Variants in ATP12A observed in about 807,000 individuals in gnomAD.
ATP12A encodes the protein potassium-transporting ATPase alpha chain 2.
A neutral mutation model predicts 111.2 loss-of-function variants in ATP12A; 81 were observed. The ratio of observed to expected loss-of-function variants is 0.73; its 90% CI spans 0.61 to 0.88. The LOEUF (loss-of-function observed/expected upper bound fraction) is 0.88. ATP12A is among the 40% of genes least tolerant of loss of function. The pLI is 0.00. For synonymous variants in ATP12A, 498 were observed against 499.8 expected (o/e 1.00, Z 0.05); for missense variants, 1,196 against 1,313.1 (o/e 0.91, Z 1.38).
intron 2 of ATP12A, among the ~76,000 whole-genome samples, chr13:24,684,948 G>T (rs1593130514): frequency 6.6e-6 from 1 of 152,224 alleles, no homozygotes; most frequent in African/African-American, 2.4e-5. Context: ...CAATCCCAGG[G>T]TTCAGGCCTG....
Position 24,707,346 on chromosome 13 carries a change from G to A in ATP12A, c.2406G>A (p.Leu802=). The change falls in exon 17 of 23, where the codon CTG becomes CTA. Residue 802 remains leucine, a synonymous_variant. Coordinates refer to ENST00000381946, the MANE Select transcript of ATP12A (RefSeq NM_001676.7). ...CCCTGACCAAGAACATTGCCGAGCT[G>A]TGCCCCTTTCTGATCTACATCATTG... ...AYSLTKNIAE[L]CPFLIYIIVG... 6.2e-7 allele frequency: 1 copy of A among 1,614,228 alleles called. No homozygotes were observed. Among genetic ancestry groups the A allele is most frequent in the Non-Finnish European group, 8.5e-7 (1 of 1,180,030 alleles).
chr13:24,692,687 T>A, intron 9 of ATP12A, 60 bp downstream of exon 9: 4 of 1,599,264 alleles, frequency 2.5e-6, no homozygotes, highest in South Asian at 1.1e-5. Context: ...GGGGCTGAGC[T>A]GAGCACACAG....
intron 11 of ATP12A, among the ~76,000 whole-genome samples, chr13:24,696,261 A>T (rs1049460484): frequency 2.0e-5 from 3 of 152,150 alleles, no homozygotes; most frequent in African/African-American, 7.2e-5. Flanking sequence ...GGGTTAGATG[A>T]TGCCTCCATC....
Position 24,694,449 on chromosome 13 carries a change from T to C in ATP12A, c.1383T>C (p.Ala461=). The change falls in exon 11 of 23, where the codon GCT becomes GCC. Residue 461 remains alanine (A), a synonymous_variant. Transcript: ENST00000381946. The part of the protein sequence containing the change: ...GQENVPIMKK[A]VIGDASETAL... ...TTTTCTTCTTTGATTCCCAGAAAGC[T>C]GTGATTGGAGATGCCTCAGAAACTG... 1 of 1,612,696 alleles carries C rather than the reference T, an allele frequency of 6.2e-7. No homozygotes were observed. Among genetic ancestry groups the C allele is most frequent in the Non-Finnish European group, 8.5e-7 (1 of 1,179,670 alleles).
intron 11 of ATP12A, among the ~76,000 whole-genome samples, chr13:24,696,342 GA>G (rs1875150005): frequency 6.6e-6 from 1 of 152,080 alleles, no homozygotes; most frequent in South Asian, 2.1e-4. Flanking sequence ...GCAAAAGGGA[GA>G]AAAAGCAGGT....
rs2289906 is a variant in ATP12A, at chr13:24,706,624, T to C, written c.2169+161T>C. On this transcript the variant is annotated intron_variant, in intron 15 of 22. Transcript: ENST00000381946. ...GACCTCTCCAACCTCTCAGGTGGGC[T>C]GGCCCCTGTCCTCCTTTGAGACCCC... Among the ~76,000 whole-genome samples, 223 of 152,322 alleles carry C rather than the reference T, an allele frequency of 1.5e-3. 4 individuals are homozygous for C. In the South Asian group the frequency reaches 0.022, roughly 15 times the overall value.
chr13:24,700,775 C>T lies in ATP12A; in HGVS notation c.1734C>T (p.Asp578=), dbSNP rs9511415. The change falls in exon 13 of 23, where the codon GAC becomes GAT. Residue 578 remains aspartate (D), a synonymous_variant. Coordinates refer to ENST00000381946, the MANE Select transcript of ATP12A (RefSeq NM_001676.7). ...TCTGTCATCTCTACCTGCCAGCAGA[C>T]GAGTTTCCAGAAACCTACTCATTTG... The part of the protein sequence containing the change: ...LGFCHLYLPA[D]EFPETYSFDI... 0.015 allele frequency: 24,870 copies of T among 1,613,876 alleles called. 218 individuals carry two copies. Among genetic ancestry groups the T allele is most frequent in the Non-Finnish European group, 0.018 (21,825 of 1,179,838 alleles).
chr13:24,690,970 C>T lies in ATP12A; in HGVS notation c.800-12C>T, dbSNP rs368635233. 6.2e-7 allele frequency: 1 copy of T among 1,613,506 alleles called. No individual in the cohort carries two copies. The highest frequency in any genetic ancestry group is 8.5e-7 in the Non-Finnish European group (1 of 1,179,522). ...GAGGACCCCTGGAATAAAGCATCTACTTCCCCTGTAGGCACTGTCACCGGC... is the reference window on the plus strand; with the variant it reads ...GAGGACCCCTGGAATAAAGCATCTATTTCCCCTGTAGGCACTGTCACCGGC... On this transcript the variant is annotated splice_polypyrimidine_tract_variant and intron_variant, in intron 7 of 22. Transcript: ENST00000381946.
At chr13:24,694,796 T>C (rs3816332) in intron 11 of ATP12A, among the ~76,000 whole-genome samples, 37,316 of 151,850 alleles carry the variant, frequency 0.25, 4,959 homozygotes, top group East Asian at 0.47. Flanking sequence ...AGGCAAGGAC[T>C]TCATCAGGGC....
chr13:24,687,264 C>T (rs1400495911), intron 3 of ATP12A, among the ~76,000 whole-genome samples: 1 of 152,064 alleles, frequency 6.6e-6, no homozygotes, highest in Admixed American at 6.6e-5. Context: ...AGTTCGAAAC[C>T]AGCCTGGCCA....
intron 11 of ATP12A, among the ~76,000 whole-genome samples, chr13:24,696,626 G>C (rs1460393338): frequency 8.0e-6 from 1 of 125,236 alleles, no homozygotes; most frequent in African/African-American, 2.9e-5. Flanking sequence ...GCAGGAGAAT[G>C]GCGTGAACCC....
Position 24,698,763 on chromosome 13 carries a change from G to C in ATP12A, c.1618G>C (p.Gly540Arg). 6.2e-7 allele frequency: 1 copy of C among 1,614,034 alleles called. No individual in the cohort carries two copies. The highest frequency in any genetic ancestry group is 8.5e-7 in the Non-Finnish European group (1 of 1,180,012). ...GAAATGCAGCACCATCATGATCAAC[G>C]GCGAGGAGCACCCACTGGACAAGAG... The part of the protein sequence containing the change: ...LEKCSTIMIN[G>R]EEHPLDKSTA... Residue 540 changes from glycine (G) to arginine (R), a missense_variant, in exon 12 of 23, where the codon GGC becomes CGC. Gly to Arg is a moderately radical substitution (Grantham distance 125). Transcript: ENST00000381946.
chr13:24,689,380 G>A lies in ATP12A; in HGVS notation c.546+5G>A. Reference sequence around the variant, plus strand: ...TTCAATAAGATGATCCCTCAGGTGAGTGGCAGCCACCTATCCTCTGGCCTC... The same window carrying A: ...TTCAATAAGATGATCCCTCAGGTGAATGGCAGCCACCTATCCTCTGGCCTC... On this transcript the variant is annotated splice_donor_5th_base_variant and intron_variant, in intron 5 of 22. Coordinates refer to ENST00000381946, the MANE Select transcript of ATP12A (RefSeq NM_001676.7). 2 of 1,610,518 alleles carry A rather than the reference G, an allele frequency of 1.2e-6. No homozygotes were observed. Among genetic ancestry groups the A allele is most frequent in the Non-Finnish European group, 1.7e-6 (2 of 1,176,812 alleles).
At chr13:24,709,254 A>G (rs1445495938) in intron 17 of ATP12A, 110 bp from the exon 18 acceptor site, 2 of 1,077,990 alleles carry the variant, frequency 1.9e-6, no homozygotes, top group Non-Finnish European at 2.6e-6. Flanking sequence ...GGCCAGCTCC[A>G]TGCCCCCCAC....
Position 24,692,890 on chromosome 13 carries a change from C to A in ATP12A, c.1371C>A (p.Ile457=). ...AGCCAGGACAGGAAAATGTCCCCAT[C>A]ATGAAGGTAATGCTTCTGCAGCACT... The part of the protein sequence containing the change: ...EFKPGQENVP[I]MKKAVIGDAS... The change falls in exon 10 of 23, where the codon ATC becomes ATA. Residue 457 remains isoleucine, a synonymous_variant. Coordinates refer to ENST00000381946, the MANE Select transcript of ATP12A (RefSeq NM_001676.7). 1 of 1,613,414 alleles carries A rather than the reference C, an allele frequency of 6.2e-7. No homozygotes were observed. Among genetic ancestry groups the A allele is most frequent in the Non-Finnish European group, 8.5e-7 (1 of 1,179,360 alleles).
At chr13:24,706,931 C>T in intron 15 of ATP12A, 92 bp from the exon 16 acceptor site, 1 of 1,401,888 alleles carries the variant, frequency 7.1e-7, no homozygotes, top group Non-Finnish European at 9.6e-7. Flanking sequence ...TCCTCGCAAC[C>T]TCAAGAGAAA....
At chr13:24,695,653 G>A (rs1457479863) in intron 11 of ATP12A, among the ~76,000 whole-genome samples, 2 of 137,918 alleles carry the variant, frequency 1.5e-5, no homozygotes, top group Admixed American at 1.6e-4. Context: ...TGTCACCCAG[G>A]CTGGAATGCA....
chr13:24,682,046 GGTGTGTGTGTA>G (rs1190325997), intron 2 of ATP12A, among the ~76,000 whole-genome samples: 1 of 121,756 alleles, frequency 8.2e-6, no homozygotes, highest in Non-Finnish European at 1.8e-5. Context: ...GTATGTGTGT[GGTGTGTGTGTA>G]TGGTGTGTGT....
At chr13:24,681,043 C>T (rs775713606) in intron 1 of ATP12A, among the ~76,000 whole-genome samples, 3 of 152,216 alleles carry the variant, frequency 2.0e-5, no homozygotes, top group Non-Finnish European at 4.4e-5. Flanking sequence ...CGGGCTCCGA[C>T]TCGGAGGATG....
Sources: allele counts gnomAD v4.1 joint callset (sites outside exome capture counted in the v4.1 genomes callset), GRCh38; gene constraint gnomAD v4.1.1; transcripts MANE v1.5; gene names NCBI Gene and HGNC (gene_info 2026-07-23, HGNC 2026-07-21).